Variants in MLLT10 observed in about 807,000 individuals in gnomAD.
MLLT10 encodes the protein protein AF-10.
A neutral mutation model predicts 129.1 loss-of-function variants in MLLT10; 30 were observed. The observed-to-expected ratio is 0.23, with a 90% CI of 0.17 to 0.32. The LOEUF (loss-of-function observed/expected upper bound fraction) is 0.32, where lower values mean the gene tolerates loss of function less well. Among genes scored for constraint, MLLT10 ranks in the 10% least tolerant of loss-of-function variants. The pLI, the probability that MLLT10 is intolerant of heterozygous loss-of-function variation, is 1.00. For synonymous variants in MLLT10, 490 were observed against 446.4 expected, an observed-to-expected ratio of 1.10 and a Z score of -1.23; for missense variants, 1,119 against 1,268.3, an observed-to-expected ratio of 0.88 and a Z score of 1.79.
chr10:21,625,113 C>T (rs1340043996), intron 8 of MLLT10: 6 of 945,950 alleles, frequency 6.3e-6, no homozygotes, highest in African/African-American at 1.6e-5. Context: ...GCCATATCCA[C>T]CTCTCCCCCA....
At chr10:21,739,969 C>A in intron 21 of MLLT10, 61 bp from the exon 22 acceptor site, 1 of 1,317,890 alleles carries the variant, frequency 7.6e-7, no homozygotes, top group Non-Finnish European at 1.1e-6. Context: ...TAAGGCAGCT[C>A]ATCTGACTGC....
At chr10:21,636,777 G>C (rs2047505936) in intron 8 of MLLT10, among the ~76,000 whole-genome samples, 1 of 151,778 alleles carries the variant, frequency 6.6e-6, no homozygotes, top group Non-Finnish European at 1.5e-5. Context: ...TTTAAACCCT[G>C]AGTGTCAGGT....
At chr10:21,669,249 G>C (rs1392429065) in intron 9 of MLLT10, among the ~76,000 whole-genome samples, 1 of 151,974 alleles carries the variant, frequency 6.6e-6, no homozygotes, top group African/African-American at 2.4e-5. Context: ...GATGATGGGG[G>C]CTGGGGATGG....
At chr10:21,546,100 GAC>G (rs1246361260) in intron 3 of MLLT10, among the ~76,000 whole-genome samples, 2 of 152,076 alleles carry the variant, frequency 1.3e-5, no homozygotes, top group Non-Finnish European at 2.9e-5. Flanking sequence ...TTTTTTTTGA[GAC>G]AGTCTTGCTC....
chr10:21,577,850 C>T (rs2040951371), intron 3 of MLLT10, among the ~76,000 whole-genome samples: 1 of 152,010 alleles, frequency 6.6e-6, no homozygotes, highest in Admixed American at 6.6e-5. Context: ...TCCTACAGGG[C>T]ATGAGGTAGT....
At chr10:21,688,911 A>G (rs186372182) in intron 13 of MLLT10, among the ~76,000 whole-genome samples, 9 of 152,248 alleles carry the variant, frequency 5.9e-5, no homozygotes, top group Non-Finnish European at 1.2e-4. Context: ...TAATCATGAT[A>G]ACTCTCTGAT....
At chr10:21,636,469 T>TTTATA (rs2047469968) in intron 8 of MLLT10, among the ~76,000 whole-genome samples, 1 of 152,184 alleles carries the variant, frequency 6.6e-6, no homozygotes, top group African/African-American at 2.4e-5. Flanking sequence ...TTATATTGTC[T>TTTATA]TTATATATGT....
At chr10:21,652,030 AGACTCCCGAGTAGCTGG>A (rs2049096892) in intron 9 of MLLT10, among the ~76,000 whole-genome samples, 1 of 147,468 alleles carries the variant, frequency 6.8e-6, no homozygotes, top group Non-Finnish European at 1.5e-5. Flanking sequence ...CTTCTGCCTC[AGACTCCCGAGTAGCTGG>A]GACTACAGGC....
At chr10:21,626,163 T>G (rs2046411496) in intron 8 of MLLT10, 5 of 1,609,662 alleles carry the variant, frequency 3.1e-6, no homozygotes, top group Non-Finnish European at 4.2e-6. Context: ...AATGCACTTT[T>G]GTTCTGAACA....
intron 9 of MLLT10, among the ~76,000 whole-genome samples, chr10:21,666,670 AAAAT>A (rs548832047): frequency 0.041 from 6,213 of 151,994 alleles, 149 homozygotes; most frequent in Non-Finnish European, 0.059. Context: ...TCAAAAAAAA[AAAAT>A]AAATAAAAAA....
At chr10:21,735,481 T>G (rs2058287799) in intron 21 of MLLT10, among the ~76,000 whole-genome samples, 1 of 152,164 alleles carries the variant, frequency 6.6e-6, no homozygotes, top group Non-Finnish European at 1.5e-5. Context: ...TGAGATGTGG[T>G]GCGTGTTTTC....
At chr10:21,696,433 C>G (rs1244556171) in intron 13 of MLLT10, among the ~76,000 whole-genome samples, 3 of 152,016 alleles carry the variant, frequency 2.0e-5, no homozygotes, top group African/African-American at 7.2e-5. Context: ...AACAGAAATT[C>G]TCCTATTGAT....
intron 13 of MLLT10, among the ~76,000 whole-genome samples, chr10:21,700,092 C>T (rs988678050): frequency 2.7e-5 from 4 of 148,780 alleles, no homozygotes; most frequent in Non-Finnish European, 5.9e-5. Flanking sequence ...CTTTCACCTA[C>T]TCGGTTAAAT....
At chr10:21,649,936 A>C (rs755389019) in intron 8 of MLLT10, among the ~76,000 whole-genome samples, 13 of 152,208 alleles carry the variant, frequency 8.5e-5, no homozygotes, top group Non-Finnish European at 1.9e-4. Context: ...TTGGGGAGTC[A>C]TTATCTGCCA....
At chr10:21,632,085 C>G (rs1002459510) in intron 8 of MLLT10, among the ~76,000 whole-genome samples, 28 of 152,004 alleles carry the variant, frequency 1.8e-4, no homozygotes, top group African/African-American at 6.8e-4. Context: ...TTTTGAAGAC[C>G]TGCTTGCTTA....
intron 8 of MLLT10, among the ~76,000 whole-genome samples, chr10:21,629,177 C>T (rs999116131): frequency 2.0e-5 from 3 of 151,946 alleles, no homozygotes; most frequent in Admixed American, 6.6e-5. Context: ...TTTTCCCATA[C>T]GGACTGCTCT....
intron 5 of MLLT10, among the ~76,000 whole-genome samples, chr10:21,607,318 CTT>C (rs34563495): frequency 8.1e-5 from 10 of 124,024 alleles, no homozygotes; most frequent in Admixed American, 1.6e-4. Context: ...GTACTCTATG[CTT>C]TTTTTTTTTT....
chr10:21,683,099 T>C (rs2052914107), intron 13 of MLLT10, among the ~76,000 whole-genome samples: 1 of 152,250 alleles, frequency 6.6e-6, no homozygotes, highest in Non-Finnish European at 1.5e-5. Flanking sequence ...GCAGTCGATT[T>C]GTGTTGCGTT....
intron 3 of MLLT10, among the ~76,000 whole-genome samples, chr10:21,539,857 A>G (rs1383294935): frequency 1.3e-5 from 2 of 152,046 alleles, no homozygotes; most frequent in Non-Finnish European, 2.9e-5. Flanking sequence ...AGGCAGGAGA[A>G]TGGCGTGAAC....
Sources: allele counts gnomAD v4.1 joint callset (sites outside exome capture counted in the v4.1 genomes callset), GRCh38; gene constraint gnomAD v4.1.1; transcripts MANE v1.5; gene names NCBI Gene and HGNC (gene_info 2026-07-23, HGNC 2026-07-21).